Variants in BTG4 observed in about 807,000 individuals in gnomAD.
BTG4 encodes the protein BTG anti-proliferation factor 4.
A neutral mutation model predicts 19.3 loss-of-function variants in BTG4; 10 were observed. The ratio of observed to expected loss-of-function variants is 0.52; its 90% CI spans 0.32 to 0.88. The LOEUF is 0.88. Ranked by LOEUF, BTG4 falls within the 40% of genes least tolerant of loss-of-function variation. BTG4 has a pLI of 0.04. For missense variants in BTG4, 238 were observed against 281.9 expected (o/e 0.84, Z 1.11); for synonymous variants, 91 against 95.7 (o/e 0.95, Z 0.29).
intron 5 of BTG4, among the ~76,000 whole-genome samples, chr11:111,477,625 T>C (rs1864471709): frequency 6.6e-6 from 1 of 152,040 alleles, no homozygotes. Context: ...GAAGGCAGAC[T>C]GGCTAGGGAA....
chr11:111,394,349 G>A, the BTG4 span, among the ~76,000 whole-genome samples: 1 of 152,180 alleles, frequency 6.6e-6, no homozygotes, highest in Non-Finnish European at 1.5e-5. Flanking sequence ...GGGACCCCAT[G>A]GGAGGTAATT....
the BTG4 span, among the ~76,000 whole-genome samples, chr11:111,393,066 C>T: frequency 5.3e-5 from 8 of 152,178 alleles, 1 homozygote; most frequent in Admixed American, 5.2e-4. Flanking sequence ...CATATCGTCA[C>T]CTAGATTCAT....
chr11:111,487,514 G>C (rs1217593712), intron 5 of BTG4, among the ~76,000 whole-genome samples: 1 of 152,004 alleles, frequency 6.6e-6, no homozygotes, highest in Non-Finnish European at 1.5e-5. Context: ...ATACTGAATG[G>C]GAAAACTGAA....
the BTG4 span, among the ~76,000 whole-genome samples, chr11:111,436,908 A>G: frequency 6.6e-6 from 1 of 152,134 alleles, no homozygotes; most frequent in Admixed American, 6.5e-5. Context: ...GGCAGACAGC[A>G]TGCCCTCCCC....
At chr11:111,420,002 C>T in the BTG4 span, among the ~76,000 whole-genome samples, 2 of 152,154 alleles carry the variant, frequency 1.3e-5, no homozygotes, top group Non-Finnish European at 2.9e-5. Context: ...GACTCAGCAC[C>T]AGGCACCCAA....
the BTG4 span, chr11:111,454,369 C>T: frequency 2.2e-6 from 1 of 451,686 alleles, no homozygotes; most frequent in African/African-American, 2.0e-5. Flanking sequence ...TAACTGGCAG[C>T]TCCAGGCAAC....
chr11:111,498,153 G>A lies in BTG4; in HGVS notation c.174-18C>T. The A allele has an allele frequency of 3.7e-6, 6 of 1,612,804 alleles. No individual in the cohort carries two copies. Among genetic ancestry groups the A allele is most frequent in the Non-Finnish European group, 5.1e-6 (6 of 1,179,644 alleles). ...TGATGCACCTTTTTAAAAAGCGAAG[G>A]GAAACGAAGACATGATGACAGACAC... On this transcript the variant is annotated intron_variant, in intron 2 of 4. Transcript: ENST00000692032.
At chr11:111,468,488 G>GT (rs1189631402) in intron 5 of BTG4, among the ~76,000 whole-genome samples, 1 of 152,220 alleles carries the variant, frequency 6.6e-6, no homozygotes, top group Admixed American at 6.5e-5. Context: ...GCCCAGGTGT[G>GT]TTTGACACCA....
chr11:111,510,603 G>A (rs911990293), intron 1 of BTG4, among the ~76,000 whole-genome samples: 1 of 151,778 alleles, frequency 6.6e-6, no homozygotes, highest in Admixed American at 6.6e-5. Flanking sequence ...AGTAACTGCA[G>A]GCCAAATCAA....
At chr11:111,454,645 G>A in the BTG4 span, among the ~76,000 whole-genome samples, 6 of 152,104 alleles carry the variant, frequency 3.9e-5, no homozygotes, top group East Asian at 1.9e-4. Context: ...CCTAGTCCTC[G>A]GTAGCCCAAC....
chr11:111,399,789 G>T, the BTG4 span, among the ~76,000 whole-genome samples: 22 of 152,184 alleles, frequency 1.4e-4, no homozygotes, highest in Non-Finnish European at 2.9e-5. Context: ...CTGGCTAGAA[G>T]AGGTGTGGGA....
At chr11:111,422,874 G>A in the BTG4 span, among the ~76,000 whole-genome samples, 2 of 152,176 alleles carry the variant, frequency 1.3e-5, no homozygotes, top group Non-Finnish European at 2.9e-5. Context: ...GGCAGTTTTG[G>A]ATTCTATAGA....
the BTG4 span, among the ~76,000 whole-genome samples, chr11:111,442,523 C>CACACAT: frequency 1.3e-3 from 195 of 150,532 alleles, 2 homozygotes; most frequent in African/African-American, 4.7e-3. Context: ...CACACACACA[C>CACACAT]ACACACACAC....
the BTG4 span, among the ~76,000 whole-genome samples, chr11:111,448,278 G>A: frequency 2.6e-5 from 4 of 152,210 alleles, no homozygotes; most frequent in African/African-American, 7.2e-5. Context: ...AACAGCTCTG[G>A]GGGAAGATGC....
At chr11:111,416,210 A>G in the BTG4 span, among the ~76,000 whole-genome samples, 63,951 of 151,704 alleles carry the variant, frequency 0.42, 13,821 homozygotes, top group Admixed American at 0.51. Context: ...GTTGAGCCTG[A>G]TAGGGGGATG....
the BTG4 span, among the ~76,000 whole-genome samples, chr11:111,391,914 C>A: frequency 2.6e-5 from 4 of 152,090 alleles, no homozygotes; most frequent in Non-Finnish European, 5.9e-5. Context: ...CAGATGATCC[C>A]AAGCCACCTG....
At chr11:111,425,133 C>CAAA in the BTG4 span, among the ~76,000 whole-genome samples, 18 of 152,120 alleles carry the variant, frequency 1.2e-4, no homozygotes, top group African/African-American at 3.9e-4. Flanking sequence ...GTGGAACAAA[C>CAAA]TTTTATCATG....
At chr11:111,396,914 G>T in the BTG4 span, 7 of 152,176 alleles carry the variant, frequency 4.6e-5, no homozygotes, top group African/African-American at 9.7e-5. Context: ...ACTGTGGTTT[G>T]CCCACAGCTA....
At chr11:111,390,005 A>G in the BTG4 span, among the ~76,000 whole-genome samples, 1 of 152,244 alleles carries the variant, frequency 6.6e-6, no homozygotes, top group Non-Finnish European at 1.5e-5. Context: ...TTTAATCTGC[A>G]TAACAATGCT....
Sources: gnomAD v4.1 joint callset for allele counts (sites outside exome capture counted in the v4.1 genomes callset) on GRCh38, gnomAD v4.1.1 for gene constraint, MANE v1.5 for transcripts, NCBI Gene and HGNC (gene_info 2026-07-23, HGNC 2026-07-21) for gene names.